SCRG1: variants seen among roughly 807,000 people sequenced by gnomAD.
The protein encoded by SCRG1 is stimulator of chondrogenesis 1, also known as scrapie-responsive protein 1.
A neutral mutation model predicts 7.7 loss-of-function variants in SCRG1; 3 were observed. The observed-to-expected ratio is 0.39, with a 90% confidence interval of 0.18 to 1.01. SCRG1 has a LOEUF of 1.01. SCRG1 is among the 50% of genes least tolerant of loss of function. SCRG1 has a pLI of 0.36. For synonymous variants in SCRG1, 46 were observed against 41.2 expected (o/e 1.12, Z -0.44); for missense variants, 110 against 117.2 (o/e 0.94, Z 0.28).
the SCRG1 span, among the ~76,000 whole-genome samples, chr4:173,518,044 G>A: frequency 6.6e-6 from 1 of 152,272 alleles, no homozygotes; most frequent in African/African-American, 2.4e-5. Context: ...GCTGTGGGAG[G>A]AGGCTGCCCT....
the SCRG1 span, among the ~76,000 whole-genome samples, chr4:173,474,803 G>A: frequency 0.014 from 2,060 of 152,188 alleles, 49 homozygotes; most frequent in African/African-American, 0.046. Flanking sequence ...GTAAGCCTGA[G>A]GTCCTTTTAG....
At chr4:173,433,220 G>A in the SCRG1 span, among the ~76,000 whole-genome samples, 1 of 152,056 alleles carries the variant, frequency 6.6e-6, no homozygotes, top group South Asian at 2.1e-4. Flanking sequence ...TGTGTGTTGG[G>A]GGGAAAGGAA....
chr4:173,472,288 A>G, the SCRG1 span, among the ~76,000 whole-genome samples: 1 of 152,262 alleles, frequency 6.6e-6, no homozygotes, highest in Non-Finnish European at 1.5e-5. Context: ...TCCAGTATAT[A>G]ACTTTACAAG....
the SCRG1 span, among the ~76,000 whole-genome samples, chr4:173,451,113 C>G: frequency 6.6e-6 from 1 of 152,172 alleles, no homozygotes; most frequent in South Asian, 2.1e-4. Context: ...TTTAAGCTCT[C>G]TTTGGTCCTC....
At chr4:173,450,974 G>C in the SCRG1 span, among the ~76,000 whole-genome samples, 1 of 152,146 alleles carries the variant, frequency 6.6e-6, no homozygotes, top group South Asian at 2.1e-4. Flanking sequence ...AAAGTAGGAA[G>C]GGGGAGGAGC....
upstream of SCRG1, among the ~76,000 whole-genome samples, chr4:173,401,954 G>A (rs913426059): frequency 2.0e-5 from 3 of 152,208 alleles, no homozygotes; most frequent in Admixed American, 1.3e-4. Flanking sequence ...CACAGAGTCT[G>A]CCTTTGTGGT....
the SCRG1 span, among the ~76,000 whole-genome samples, chr4:173,501,820 T>C: frequency 3.3e-5 from 5 of 152,298 alleles, no homozygotes; most frequent in South Asian, 1.0e-3. The surrounding 1 kb of genome is among the most constrained non-coding windows in gnomAD (Gnocchi z 5.1). Flanking sequence ...GGAAATGAAC[T>C]GGATACACAC....
chr4:173,485,546 G>T, the SCRG1 span, among the ~76,000 whole-genome samples: 4 of 152,060 alleles, frequency 2.6e-5, no homozygotes, highest in Non-Finnish European at 4.4e-5. Flanking sequence ...GCAATTTAAT[G>T]GTAGTTGTTT....
the SCRG1 span, among the ~76,000 whole-genome samples, chr4:173,473,163 G>C: frequency 2.6e-5 from 4 of 152,168 alleles, no homozygotes; most frequent in Non-Finnish European, 5.9e-5. Flanking sequence ...CTTTAGTTGA[G>C]TATCTACTAT....
chr4:173,428,481 T>C, the SCRG1 span, among the ~76,000 whole-genome samples: 1 of 152,212 alleles, frequency 6.6e-6, no homozygotes, highest in East Asian at 1.9e-4. Context: ...TGTTAGGTTA[T>C]GAAGAGAGAC....
chr4:173,453,026 T>C, the SCRG1 span, among the ~76,000 whole-genome samples: 1 of 152,232 alleles, frequency 6.6e-6, no homozygotes, highest in Non-Finnish European at 1.5e-5. Flanking sequence ...CACACATAAA[T>C]GCCTTTATTA....
chr4:173,500,815 A>G, the SCRG1 span, among the ~76,000 whole-genome samples: 3 of 149,966 alleles, frequency 2.0e-5, no homozygotes, highest in Middle Eastern at 3.4e-3. Context: ...TTATACTGTA[A>G]TCTTGGGGAG....
chr4:173,506,480 C>T, the SCRG1 span, among the ~76,000 whole-genome samples: 2 of 152,146 alleles, frequency 1.3e-5, no homozygotes, highest in Non-Finnish European at 2.9e-5. The surrounding 1 kb of genome is among the most constrained non-coding windows in gnomAD (Gnocchi z 5.3). Flanking sequence ...CTTTGCACCT[C>T]AATTTTCTTG....
At chr4:173,466,843 C>T in the SCRG1 span, among the ~76,000 whole-genome samples, 6 of 152,084 alleles carry the variant, frequency 3.9e-5, no homozygotes, top group African/African-American at 7.2e-5. Flanking sequence ...TTTTGTAATA[C>T]GGAAATGTTA....
At chr4:173,483,821 T>C in the SCRG1 span, among the ~76,000 whole-genome samples, 3 of 23,462 alleles carry the variant, frequency 1.3e-4, 1 homozygote, top group South Asian at 3.7e-3. Context: ...GTAATATATA[T>C]AATATATATA....
the SCRG1 span, among the ~76,000 whole-genome samples, chr4:173,481,585 C>T: frequency 6.6e-6 from 1 of 152,230 alleles, no homozygotes; most frequent in Non-Finnish European, 1.5e-5. Context: ...TCCCCCTCCA[C>T]ATCCTCCACC....
the SCRG1 span, among the ~76,000 whole-genome samples, chr4:173,428,687 C>T: frequency 4.6e-5 from 7 of 152,274 alleles, no homozygotes; most frequent in South Asian, 1.5e-3. Context: ...TAGGCTAGAT[C>T]CAAATGCTCT....
At position 173,398,561 on chromosome 4, in the gene SCRG1, A is replaced by T. The variant is rs369288194; in HGVS notation, c.-15+507T>A. On this transcript the variant is annotated intron_variant, in intron 1 of 2. Transcript: ENST00000296506. ...AGAATGGACACCAAGGATGAATTCA[A>T]TGAATTCCCTCTTTGTATCACACAT... 9 of 152,252 alleles carry T rather than the reference A, an allele frequency of 5.9e-5. No individual in the cohort carries two copies. The East Asian group carries it at 1.2e-3, about 20-fold the overall frequency. The allele number at this position is 152,252 out of a possible 1,614,324, so 9.4% of individuals were successfully genotyped here.
the SCRG1 span, among the ~76,000 whole-genome samples, chr4:173,477,986 C>G: frequency 1.3e-5 from 2 of 152,016 alleles, no homozygotes; most frequent in Non-Finnish European, 2.9e-5. Context: ...CCCAGGCTAG[C>G]CTTGAACTCC....
Sources: allele counts gnomAD v4.1 joint callset (sites outside exome capture counted in the v4.1 genomes callset), GRCh38; gene constraint gnomAD v4.1.1; non-coding constraint Gnocchi (gnomAD v3.1); transcripts MANE v1.5; gene names NCBI Gene and HGNC (gene_info 2026-07-23, HGNC 2026-07-21).